ANO3: variants seen among roughly 807,000 people sequenced by gnomAD.
ANO3 encodes the protein anoctamin 3.
ANO3 carries 99 observed loss-of-function variants against 144.8 expected under a neutral mutation model. That is an observed-to-expected ratio of 0.68 (90% CI 0.58 to 0.81). The LOEUF (loss-of-function observed/expected upper bound fraction) is 0.81, where lower values mean the gene tolerates loss of function less well. Ranked by LOEUF, ANO3 falls within the 30% of genes least tolerant of loss-of-function variation. ANO3 has a pLI of 0.00. For synonymous variants in ANO3, 414 were observed against 392.6 expected (o/e 1.05, Z -0.64); for missense variants, 905 against 1,202.2 (o/e 0.75, Z 3.66).
chr11:26,661,071 A>G lies in ANO3; in HGVS notation c.*627A>G, dbSNP rs530809129. 6.5e-5 allele frequency: 10 copies of G among 152,682 alleles called. No homozygotes were observed. Among genetic ancestry groups the G allele is most frequent in the African/African-American group, 2.4e-4 (10 of 41,552 alleles). 9.5% of individuals were successfully genotyped at this position (152,682 alleles called of 1,614,324 possible). A position where few individuals can be genotyped will look rare whatever the true frequency, so the allele number is the denominator to read the frequency against. On this transcript the variant is annotated 3_prime_UTR_variant, in exon 27 of 27. Coordinates refer to ENST00000256737, the MANE Select transcript of ANO3 (RefSeq NM_031418.4). ...CACATCACCTTTAGTAGTCAAACCA[A>G]AAATCTAAGATTCCAAAAAGAACAG...
chr11:26,315,779 T>C lies in ANO3; in HGVS notation c.-3+6060T>C, dbSNP rs116767585. Among the ~76,000 whole-genome samples, 774 of 152,226 alleles carry C rather than the reference T, an allele frequency of 5.1e-3. 5 individuals carry two copies. The highest frequency in any genetic ancestry group is 0.018 in the African/African-American group (744 of 41,530). ...GAATATTGGAGATGCTTTTGAATCA[T>C]TTAAATAAATATTCTGTAGACCAAA... On this transcript the variant is annotated intron_variant, in intron 1 of 26. Transcript: ENST00000525139.
chr11:26,433,503 C>T (rs1266828580), intron 1 of ANO3, among the ~76,000 whole-genome samples: 1 of 152,066 alleles, frequency 6.6e-6, no homozygotes, highest in East Asian at 1.9e-4. Flanking sequence ...TCAGCTTTTG[C>T]CAATTCAGTA....
intron 1 of ANO3, among the ~76,000 whole-genome samples, chr11:26,342,334 G>A (rs1855384831): frequency 1.3e-5 from 2 of 152,334 alleles, no homozygotes; most frequent in South Asian, 4.1e-4. Context: ...ATGATATTAA[G>A]AGATGTGACC....
intron 1 of ANO3, among the ~76,000 whole-genome samples, chr11:26,255,721 C>G (rs1590218680): frequency 6.6e-6 from 1 of 152,070 alleles, no homozygotes; most frequent in Non-Finnish European, 1.5e-5. Context: ...CTTCCTAGAG[C>G]CAACCATTAT....
intron 9 of ANO3, among the ~76,000 whole-genome samples, chr11:26,535,934 AATTT>A (rs1280775402): frequency 6.6e-6 from 1 of 152,040 alleles, no homozygotes; most frequent in Admixed American, 6.6e-5. Flanking sequence ...TCTAATTAAT[AATTT>A]ATTTATTACT....
intron 14 of ANO3, among the ~76,000 whole-genome samples, chr11:26,586,501 A>ATATTTT (rs1281089936): frequency 1.0e-4 from 4 of 40,024 alleles, no homozygotes; most frequent in South Asian, 1.6e-3. Flanking sequence ...CCTGGTGAGA[A>ATATTTT]TCTTTTTTTT....
chr11:26,214,881 C>T (rs576459816), intron 1 of ANO3, among the ~76,000 whole-genome samples: 1 of 151,976 alleles, frequency 6.6e-6, no homozygotes, highest in Admixed American at 6.6e-5. Flanking sequence ...CACAAGCTTT[C>T]CTAGTTTTAG....
At chr11:26,464,001 A>G (rs1290207686) in intron 4 of ANO3, among the ~76,000 whole-genome samples, 1 of 151,820 alleles carries the variant, frequency 6.6e-6, no homozygotes, top group East Asian at 1.9e-4. Flanking sequence ...CTTAGGTTTC[A>G]ATTTTCACTG....
At chr11:26,516,770 CATG>C in intron 5 of ANO3, 54 bp from the exon 6 acceptor site, 2 of 1,206,394 alleles carry the variant, frequency 1.7e-6, no homozygotes, top group Non-Finnish European at 2.4e-6. Context: ...CAAACTGTGG[CATG>C]ATATCATCAG....
intron 1 of ANO3, among the ~76,000 whole-genome samples, chr11:26,265,303 G>A (rs2133830941): frequency 6.6e-6 from 1 of 152,192 alleles, no homozygotes; most frequent in Admixed American, 6.5e-5. Context: ...AGACCCAGTA[G>A]GGTTATCACC....
chr11:26,434,379 ACTC>A (rs1270830537), intron 1 of ANO3, among the ~76,000 whole-genome samples: 16 of 151,654 alleles, frequency 1.1e-4, no homozygotes, highest in African/African-American at 3.4e-4. Flanking sequence ...CAAAAAACAA[ACTC>A]CTGGATTCGT....
intron 1 of ANO3, among the ~76,000 whole-genome samples, chr11:26,218,761 AG>A (rs1317014540): frequency 6.6e-6 from 1 of 152,108 alleles, no homozygotes; most frequent in Non-Finnish European, 1.5e-5. Context: ...TTTTTTCTTA[AG>A]GGAAAAAATA....
At chr11:26,481,891 CT>C (rs1041809334) in intron 4 of ANO3, among the ~76,000 whole-genome samples, 1 of 151,690 alleles carries the variant, frequency 6.6e-6, no homozygotes, top group Non-Finnish European at 1.5e-5. Flanking sequence ...TTTTTCCTTT[CT>C]TTTTTTTACT....
intron 1 of ANO3, among the ~76,000 whole-genome samples, chr11:26,440,867 G>A (rs912632792): frequency 1.3e-5 from 2 of 152,116 alleles, no homozygotes; most frequent in African/African-American, 4.8e-5. Flanking sequence ...GAGACACTGA[G>A]GTTTAGAGTG....
rs66510170 is a variant in ANO3, at chr11:26,564,732, C to CATAT, written c.1447+5003_1447+5006dup. On this transcript the variant is annotated intron_variant, in intron 14 of 26. Coordinates refer to ENST00000256737, the MANE Select transcript of ANO3 (RefSeq NM_031418.4). Reference sequence around the variant, plus strand: ...ACACACACACACACACACACACACACATATATATATATATATATATATATA... The same window carrying CATAT: ...ACACACACACACACACACACACACACATATATATATATATATATATATATATATA... Among the ~76,000 whole-genome samples, 49 of 25,388 alleles carry CATAT rather than the reference C, an allele frequency of 1.9e-3. 1 individual carries two copies. Among genetic ancestry groups the CATAT allele is most frequent in the East Asian group, 7.3e-3 (3 of 410 alleles). 16.7% of individuals were successfully genotyped at this position (25,388 alleles called of 152,430 possible).
At chr11:26,604,960 G>C (rs1173174325) in intron 17 of ANO3, among the ~76,000 whole-genome samples, 1 of 152,186 alleles carries the variant, frequency 6.6e-6, no homozygotes, top group Non-Finnish European at 1.5e-5. Context: ...ATGTTGAATA[G>C]GAGTGGTGAG....
At position 26,553,662 on chromosome 11, in the gene ANO3, G is replaced by A. The variant is rs553983039; in HGVS notation, c.1386+317G>A. Among the ~76,000 whole-genome samples, 7 of 151,976 alleles carry A rather than the reference G, an allele frequency of 4.6e-5. No individual in the cohort carries two copies. In the South Asian group the frequency reaches 1.5e-3, roughly 32 times the overall value. On this transcript the variant is annotated intron_variant, in intron 13 of 26. Transcript: ENST00000256737. ...CTATTGCTACTTACTAAATGTGTAC[G>A]TTACATGAAAACTTATGAAGTTAAA...
At chr11:26,615,381 A>G (rs1329244201) in intron 17 of ANO3, among the ~76,000 whole-genome samples, 1 of 139,982 alleles carries the variant, frequency 7.1e-6, no homozygotes, top group Non-Finnish European at 1.5e-5. Flanking sequence ...ATACTGTCTA[A>G]GCTTCTGTCA....
chr11:26,229,235 T>A (rs1852333421), intron 1 of ANO3, among the ~76,000 whole-genome samples: 1 of 152,196 alleles, frequency 6.6e-6, no homozygotes, highest in Admixed American at 6.5e-5. Context: ...AAACAGGTAA[T>A]ATTTTAAGTG....
Sources: gnomAD v4.1 joint callset for allele counts (sites outside exome capture counted in the v4.1 genomes callset) on GRCh38, gnomAD v4.1.1 for gene constraint, MANE v1.5 for transcripts, NCBI Gene and HGNC (gene_info 2026-07-23, HGNC 2026-07-21) for gene names.